CDH13: variants seen among roughly 807,000 people sequenced by gnomAD.
CDH13 encodes the protein cadherin-13.
In CDH13, 24 loss-of-function variants were observed where a neutral mutation model predicts 63.8. The ratio of observed to expected loss-of-function variants is 0.38; its 90% confidence interval spans 0.27 to 0.53. The LOEUF is 0.53. CDH13 is among the 20% of genes least tolerant of loss of function. CDH13 has a pLI of 0.85. For synonymous variants in CDH13, 503 were observed against 355.3 expected (o/e 1.42, Z -4.67); for missense variants, 1,049 against 903.1 (o/e 1.16, Z -2.07).
intron 8 of CDH13, among the ~76,000 whole-genome samples, chr16:83,644,853 C>G (rs1436626474): frequency 6.6e-6 from 1 of 152,194 alleles, no homozygotes; most frequent in African/African-American, 2.4e-5. Flanking sequence ...CAGTGGAAGC[C>G]TCTAAGGCAC....
At position 83,323,519 on chromosome 16, in the gene CDH13, G is replaced by A. The variant is rs147227469; in HGVS notation, c.637-21343G>A. 8.0e-3 allele frequency among the ~76,000 whole-genome samples: 1,209 copies of A among 151,824 alleles called. 9 individuals carry two copies. Among genetic ancestry groups the A allele is most frequent in the South Asian group, 0.049 (238 of 4,812 alleles). On this transcript the variant is annotated intron_variant, in intron 5 of 13. Coordinates refer to ENST00000567109, the MANE Select transcript of CDH13 (RefSeq NM_001257.5). ...TGCTCTCAAACGCCTGACTTCAGGC[G>A]ATCCACCTGCCTCAGCCTCCCAAAG...
intron 1 of CDH13, among the ~76,000 whole-genome samples, chr16:82,748,761 G>A (rs139353646): frequency 6.6e-6 from 1 of 152,112 alleles, no homozygotes; most frequent in African/African-American, 2.4e-5. Context: ...CTCCTATAAA[G>A]AGCCAGGATG....
At chr16:83,564,660 C>T (rs1483087285) in intron 7 of CDH13, among the ~76,000 whole-genome samples, 7 of 152,122 alleles carry the variant, frequency 4.6e-5, no homozygotes, top group African/African-American at 1.4e-4. Context: ...CCACCTCCCT[C>T]GGCCTCCCAA....
intron 10 of CDH13, among the ~76,000 whole-genome samples, chr16:83,727,086 T>C (rs1452003510): frequency 6.6e-6 from 1 of 152,162 alleles, no homozygotes; most frequent in Non-Finnish European, 1.5e-5. Flanking sequence ...GTTTTTAGTG[T>C]AGTCACAGAG....
At chr16:83,190,452 C>A (rs1382653639) in intron 4 of CDH13, among the ~76,000 whole-genome samples, 2 of 152,104 alleles carry the variant, frequency 1.3e-5, no homozygotes, top group African/African-American at 4.8e-5. Flanking sequence ...GGGGACAGAC[C>A]CTAGTATTTT....
At chr16:83,614,992 T>G (rs993803821) in intron 8 of CDH13, among the ~76,000 whole-genome samples, 2 of 152,182 alleles carry the variant, frequency 1.3e-5, no homozygotes, top group Non-Finnish European at 2.9e-5. Flanking sequence ...TTTCTGATTC[T>G]TCACTTGATT....
At chr16:83,513,269 C>T (rs773670522) in intron 7 of CDH13, among the ~76,000 whole-genome samples, 3 of 152,274 alleles carry the variant, frequency 2.0e-5, no homozygotes, top group Admixed American at 6.5e-5. Flanking sequence ...GCCGCTGACT[C>T]AGCCCCTGAC....
At chr16:83,025,569 A>G (rs1597164745) in intron 2 of CDH13, among the ~76,000 whole-genome samples, 1 of 152,166 alleles carries the variant, frequency 6.6e-6, no homozygotes, top group Admixed American at 6.5e-5. Flanking sequence ...GCTTCCTCCC[A>G]TGACACACGG....
intron 5 of CDH13, among the ~76,000 whole-genome samples, chr16:83,329,135 A>G (rs919411115): frequency 1.3e-5 from 2 of 152,238 alleles, no homozygotes; most frequent in Non-Finnish European, 2.9e-5. Context: ...CAGATTCCGG[A>G]GAACCTACTA....
chr16:83,691,166 C>A (rs959469801), intron 10 of CDH13, among the ~76,000 whole-genome samples: 2 of 148,812 alleles, frequency 1.3e-5, no homozygotes, highest in Admixed American at 1.4e-4. Flanking sequence ...GATTTTTGTC[C>A]CAAACAAATG....
chr16:83,069,623 C>T (rs114431634), intron 3 of CDH13, among the ~76,000 whole-genome samples: 2 of 152,126 alleles, frequency 1.3e-5, no homozygotes, highest in East Asian at 3.8e-4. Context: ...ATCTACTATG[C>T]CATGCTGCCT....
At chr16:83,136,978 T>C (rs188366916) in intron 4 of CDH13, among the ~76,000 whole-genome samples, 1 of 152,342 alleles carries the variant, frequency 6.6e-6, no homozygotes, top group Non-Finnish European at 1.5e-5. Flanking sequence ...CTCTGAATGT[T>C]TAACAATGGA....
At chr16:83,046,170 C>G (rs1010478068) in intron 3 of CDH13, among the ~76,000 whole-genome samples, 1 of 152,186 alleles carries the variant, frequency 6.6e-6, no homozygotes, top group Non-Finnish European at 1.5e-5. Flanking sequence ...CTCTTTTCCT[C>G]TGGTCCATAC....
chr16:82,674,590 C>T (rs114195418), intron 1 of CDH13, among the ~76,000 whole-genome samples: 1,649 of 152,248 alleles, frequency 0.011, 26 homozygotes, highest in African/African-American at 0.036. Flanking sequence ...GGATCAGGTA[C>T]GTGAAACCAG....
chr16:83,748,169 G>A lies in CDH13; in HGVS notation c.1600G>A (p.Asp534Asn), dbSNP rs1408695757. 3.1e-6 allele frequency: 5 copies of A among 1,613,784 alleles called. No homozygotes were observed. The highest frequency in any genetic ancestry group is 4.2e-6 in the Non-Finnish European group (5 of 1,179,856). ...TATTAACCCCATCAATGGGACTGTT[G>A]ACACCACAGCTGTGCTGGACCGTGA... is the stretch of plus-strand genomic sequence containing the variant. Reference protein sequence around the residue: ...LNINPINGTVDTTAVLDRESP... With the variant: ...LNINPINGTVNTTAVLDRESP... The change falls in exon 11 of 14, where the codon GAC becomes AAC. Residue 534 changes from aspartate (D) to asparagine (N), a missense_variant. Asp to Asn is a conservative substitution (Grantham distance 23). Coordinates refer to ENST00000567109, the MANE Select transcript of CDH13 (RefSeq NM_001257.5).
chr16:83,347,712 G>C (rs1291961218), intron 6 of CDH13, among the ~76,000 whole-genome samples: 6 of 152,334 alleles, frequency 3.9e-5, no homozygotes, highest in Admixed American at 2.0e-4. Flanking sequence ...GGCACAATCA[G>C]TGTCTACGTC....
At chr16:83,006,888 A>G (rs1487801848) in intron 2 of CDH13, among the ~76,000 whole-genome samples, 2 of 125,718 alleles carry the variant, frequency 1.6e-5, no homozygotes, top group Non-Finnish European at 1.7e-5. Flanking sequence ...TCTTCAAAAC[A>G]CCCAGTTTTG....
chr16:83,346,340 A>G (rs1456848414), intron 6 of CDH13, among the ~76,000 whole-genome samples: 1 of 152,108 alleles, frequency 6.6e-6, no homozygotes, highest in Non-Finnish European at 1.5e-5. Flanking sequence ...GGTGAGAAAC[A>G]CCCTAGAATT....
intron 7 of CDH13, among the ~76,000 whole-genome samples, chr16:83,543,774 C>T (rs562599554): frequency 1.3e-5 from 2 of 152,328 alleles, no homozygotes; most frequent in South Asian, 4.1e-4. Context: ...TGCTGCTGAA[C>T]ATCCTACAGT....
Sources: gnomAD v4.1 joint callset for allele counts (sites outside exome capture counted in the v4.1 genomes callset) on GRCh38, gnomAD v4.1.1 for gene constraint, MANE v1.5 for transcripts, NCBI Gene and HGNC (gene_info 2026-07-23, HGNC 2026-07-21) for gene names.